SEMA6D: variants seen among roughly 807,000 people sequenced by gnomAD.
SEMA6D encodes semaphorin-6D.
Under a neutral mutation model 106.6 loss-of-function variants are expected in SEMA6D, and 35 were observed. The observed-to-expected ratio is 0.33, with a 90% CI of 0.25 to 0.44. SEMA6D has a LOEUF of 0.44. Among genes scored for constraint, SEMA6D ranks in the 20% least tolerant of loss-of-function variants. The probability of loss-of-function intolerance (pLI) is 1.00; values close to 1 mark genes in which losing one functional copy is unlikely to be tolerated. For missense variants in SEMA6D, 1,185 were observed against 1,345.9 expected (o/e 0.88, Z 1.87); for synonymous variants, 499 against 487.7 (o/e 1.02, Z -0.31).
chr15:47,640,415 C>T (rs1177312556), intron 4 of SEMA6D, among the ~76,000 whole-genome samples: 1 of 152,170 alleles, frequency 6.6e-6, no homozygotes, highest in Non-Finnish European at 1.5e-5. Context: ...TCTAGAGCAG[C>T]TCTTGAGATC....
chr15:47,309,699 G>A (rs960620654), intron 1 of SEMA6D, among the ~76,000 whole-genome samples: 1 of 152,278 alleles, frequency 6.6e-6, no homozygotes, highest in East Asian at 1.9e-4. Context: ...GTACATCTTA[G>A]CTTAACCTAG....
intron 4 of SEMA6D, among the ~76,000 whole-genome samples, chr15:47,607,989 T>A (rs925897546): frequency 1.3e-5 from 2 of 152,236 alleles, no homozygotes; most frequent in Non-Finnish European, 2.9e-5. Context: ...CTGTCTGTTA[T>A]AACTGTGGTC....
intron 1 of SEMA6D, among the ~76,000 whole-genome samples, chr15:47,392,902 A>T (rs2040086341): frequency 6.6e-6 from 1 of 152,168 alleles, no homozygotes; most frequent in South Asian, 2.1e-4. Context: ...GCCACGACTT[A>T]TGTCTCTAGA....
At chr15:47,560,644 A>T (rs1687369713) in intron 3 of SEMA6D, among the ~76,000 whole-genome samples, 1 of 152,140 alleles carries the variant, frequency 6.6e-6, no homozygotes, top group Admixed American at 6.5e-5. Flanking sequence ...GGGGAATATT[A>T]TGAGGTGAAT....
At chr15:47,679,265 G>T (rs752256168) in intron 4 of SEMA6D, among the ~76,000 whole-genome samples, 10 of 152,204 alleles carry the variant, frequency 6.6e-5, no homozygotes, top group Non-Finnish European at 1.5e-4. Flanking sequence ...GCTTAGAGCT[G>T]TTTGACTGTG....
chr15:47,309,157 C>T (rs945506374), intron 1 of SEMA6D, among the ~76,000 whole-genome samples: 5 of 152,182 alleles, frequency 3.3e-5, no homozygotes, highest in African/African-American at 1.2e-4. Flanking sequence ...GTAGTCCCCC[C>T]CATCAGTGGT....
intron 3 of SEMA6D, among the ~76,000 whole-genome samples, chr15:47,534,173 A>T (rs180872224): frequency 2.0e-5 from 3 of 152,200 alleles, no homozygotes; most frequent in Admixed American, 1.3e-4. Context: ...GCAAGAAGGT[A>T]TCTAAGCCAA....
intron 1 of SEMA6D, among the ~76,000 whole-genome samples, chr15:47,313,701 A>G (rs1400070753): frequency 6.6e-6 from 1 of 152,130 alleles, no homozygotes; most frequent in African/African-American, 2.4e-5. Flanking sequence ...TGTAGCTGAT[A>G]CTAAAGGCGA....
intron 1 of SEMA6D, among the ~76,000 whole-genome samples, chr15:47,213,313 T>C (rs1336929400): frequency 6.6e-6 from 1 of 152,226 alleles, no homozygotes; most frequent in Admixed American, 6.5e-5. Context: ...TTAGTGTGGC[T>C]ACAGAGGTGA....
At chr15:47,433,650 C>T (rs558775581) in intron 2 of SEMA6D, among the ~76,000 whole-genome samples, 5 of 152,042 alleles carry the variant, frequency 3.3e-5, no homozygotes, top group African/African-American at 9.6e-5. Flanking sequence ...ATTCTGAGAC[C>T]GAGTTTTAGT....
chr15:47,591,986 A>G (rs2076448200), intron 3 of SEMA6D, among the ~76,000 whole-genome samples: 1 of 152,182 alleles, frequency 6.6e-6, no homozygotes, highest in Non-Finnish European at 1.5e-5. Context: ...TGTCATTGTT[A>G]AATGATAAAT....
At chr15:47,354,455 T>A (rs1290933095) in intron 1 of SEMA6D, among the ~76,000 whole-genome samples, 3 of 148,248 alleles carry the variant, frequency 2.0e-5, no homozygotes, top group Non-Finnish European at 3.0e-5. Context: ...AGACAGTTTT[T>A]AAGTAGAGGT....
intron 1 of SEMA6D, among the ~76,000 whole-genome samples, chr15:47,309,747 A>G (rs890153873): frequency 1.3e-5 from 2 of 152,220 alleles, no homozygotes; most frequent in African/African-American, 4.8e-5. Context: ...ATATTAGCCT[A>G]CAGCGGGCAA....
At chr15:47,702,707 A>C (rs1169465704) in intron 4 of SEMA6D, among the ~76,000 whole-genome samples, 1 of 152,218 alleles carries the variant, frequency 6.6e-6, no homozygotes, top group Non-Finnish European at 1.5e-5. Context: ...CTATCAATCT[A>C]TGAAAAGACA....
At chr15:47,668,835 G>T (rs1349777052) in intron 4 of SEMA6D, among the ~76,000 whole-genome samples, 1 of 152,126 alleles carries the variant, frequency 6.6e-6, no homozygotes, top group African/African-American at 2.4e-5. Flanking sequence ...TGCTCTTGCG[G>T]CAGTACCCAT....
chr15:47,754,474 G>C (rs1360061423), intron 1 of SEMA6D, among the ~76,000 whole-genome samples: 1 of 152,000 alleles, frequency 6.6e-6, no homozygotes, highest in Non-Finnish European at 1.5e-5. Context: ...GTCATTCTAT[G>C]GTCTGCTGGC....
intron 4 of SEMA6D, among the ~76,000 whole-genome samples, chr15:47,692,319 A>G (rs1234905024): frequency 6.6e-6 from 1 of 152,086 alleles, no homozygotes; most frequent in Non-Finnish European, 1.5e-5. Flanking sequence ...TATTTATTCC[A>G]CAGAGGTTTC....
Position 47,354,176 on chromosome 15 carries a change from C to CCT in SEMA6D, c.-238-58194_-238-58193dup, listed in dbSNP as rs879283418. On this transcript the variant is annotated intron_variant, in intron 1 of 19. Transcript: ENST00000558014. ...AGCTTATATATATGGAATGAGAAAG[C>CCT]CTCTCTCTCTCTCTCTCTCTCTCTA... Among the ~76,000 whole-genome samples the CCT allele has an allele frequency of 9.6e-4, 82 of 85,382 alleles. No individual in the cohort carries two copies. In the East Asian group the frequency reaches 0.014, roughly 15 times the overall value. The allele number at this position is 85,382 out of a possible 152,430, so 56.0% of individuals were successfully genotyped here.
At chr15:47,412,289 C>G (rs375916568) in intron 1 of SEMA6D, 18 of 152,662 alleles carry the variant, frequency 1.2e-4, no homozygotes, top group African/African-American at 4.3e-4. Flanking sequence ...AAAGCAGCAG[C>G]AGGCATTTAT....
Sources: allele counts gnomAD v4.1 joint callset (sites outside exome capture counted in the v4.1 genomes callset), GRCh38; gene constraint gnomAD v4.1.1; transcripts MANE v1.5; gene names NCBI Gene and HGNC (gene_info 2026-07-23, HGNC 2026-07-21).